Variants in CHRFAM7A observed in about 807,000 individuals in gnomAD.
CHRFAM7A encodes CHRNA7-FAM7A fusion protein.
In CHRFAM7A, 3 loss-of-function variants were observed where a neutral mutation model predicts 29.2. The ratio of observed to expected loss-of-function variants is 0.10; its 90% CI spans 0.05 to 0.27. The LOEUF (loss-of-function observed/expected upper bound fraction) is 0.27. Ranked by LOEUF, CHRFAM7A falls within the 10% of genes least tolerant of loss-of-function variation. The pLI is 1.00. For missense variants in CHRFAM7A, 22 were observed against 328.0 expected (o/e 0.07, Z 7.21); for synonymous variants, 7 against 135.4 (o/e 0.05, Z 6.58).
At chr15:30,368,093 CTG>C (rs779155933) in intron 8 of CHRFAM7A, among the ~76,000 whole-genome samples, 1 of 97,670 alleles carries the variant, frequency 1.0e-5, no homozygotes, top group Non-Finnish European at 2.0e-5. Flanking sequence ...TAGCTACTGG[CTG>C]TGAGTTTGGA....
chr15:30,390,018 A>C (rs1431433416), intron 1 of CHRFAM7A, among the ~76,000 whole-genome samples: 7 of 109,518 alleles, frequency 6.4e-5, no homozygotes, highest in African/African-American at 2.3e-4. Flanking sequence ...AAGTACAAAT[A>C]CATCCTGTGT....
At chr15:30,376,297 C>A (rs1414496852) in intron 5 of CHRFAM7A, among the ~76,000 whole-genome samples, 1 of 143,152 alleles carries the variant, frequency 7.0e-6, no homozygotes, top group African/African-American at 2.7e-5. Context: ...TAAACAGCTG[C>A]AGTGTGGGAG....
At chr15:30,389,434 T>A (rs2058994186) in intron 1 of CHRFAM7A, among the ~76,000 whole-genome samples, 1 of 24,536 alleles carries the variant, frequency 4.1e-5, no homozygotes, top group Non-Finnish European at 9.5e-5. Flanking sequence ...GAATTTTTTT[T>A]TTTTTTTTTT....
chr15:30,374,335 C>G (rs547840299), intron 5 of CHRFAM7A, among the ~76,000 whole-genome samples: 2 of 95,630 alleles, frequency 2.1e-5, no homozygotes, highest in East Asian at 6.7e-4. Context: ...GGACCCCACC[C>G]CACAACCGAG....
intron 5 of CHRFAM7A, among the ~76,000 whole-genome samples, chr15:30,375,983 G>A (rs117449055): frequency 1.5e-3 from 7 of 4,568 alleles, no homozygotes; most frequent in Admixed American, 6.5e-3. Flanking sequence ...GTGTTGAGTC[G>A]TGGGTGGTAT....
At chr15:30,377,832 T>C (rs1434953578) in intron 4 of CHRFAM7A, among the ~76,000 whole-genome samples, 1 of 145,116 alleles carries the variant, frequency 6.9e-6, no homozygotes, top group Non-Finnish European at 1.5e-5. Context: ...ATAGCTAAAA[T>C]GGAACATTTT....
chr15:30,377,578 T>A (rs1213311224), intron 4 of CHRFAM7A, among the ~76,000 whole-genome samples: 3 of 11,384 alleles, frequency 2.6e-4, no homozygotes, highest in Non-Finnish European at 1.8e-3. Context: ...CATATATATC[T>A]TTTTTTTTTT....
intron 7 of CHRFAM7A, among the ~76,000 whole-genome samples, chr15:30,371,578 G>A (rs1411797491): frequency 6.7e-6 from 1 of 150,002 alleles, no homozygotes; most frequent in Non-Finnish European, 1.5e-5. Flanking sequence ...AGCTAGCTAT[G>A]TGACCTTAGA....
intron 9 of CHRFAM7A, 141 bp from the exon 10 acceptor site, chr15:30,362,952 GGCAA>G: frequency 8.5e-6 from 12 of 1,418,096 alleles, no homozygotes; most frequent in Non-Finnish European, 1.2e-5. Context: ...GATTTTAGCA[GGCAA>G]GCAGTGCTTG....
At chr15:30,363,325 C>T (rs575551005) in intron 9 of CHRFAM7A, among the ~76,000 whole-genome samples, 1 of 148,310 alleles carries the variant, frequency 6.7e-6, no homozygotes, top group African/African-American at 2.5e-5. Context: ...GTTCAGGCTT[C>T]CAACATCAGA....
chr15:30,375,742 GGT>G (rs1196883725), intron 5 of CHRFAM7A, among the ~76,000 whole-genome samples: 35 of 150,560 alleles, frequency 2.3e-4, no homozygotes, highest in African/African-American at 8.3e-4. Context: ...AGTGGTGAGT[GGT>G]GTGTGGGTGG....
intron 5 of CHRFAM7A, among the ~76,000 whole-genome samples, chr15:30,373,941 G>A (rs2058893593): frequency 7.2e-6 from 1 of 138,616 alleles, no homozygotes; most frequent in African/African-American, 2.8e-5. Flanking sequence ...TCCAGCCTGG[G>A]GAACACACCT....
chr15:30,375,630 GGTGTGTGAGAGTGGTGTGTAAGTGGT>G (rs1160384450), intron 5 of CHRFAM7A, among the ~76,000 whole-genome samples: 1 of 149,278 alleles, frequency 6.7e-6, no homozygotes, highest in Non-Finnish European at 1.5e-5. Context: ...TGGTGTGTAT[GGTGTGTGAGAGTGGTGTGTAAGTGGT>G]GTGTGTGAGG....
intron 9 of CHRFAM7A, among the ~76,000 whole-genome samples, 169 bp downstream of exon 9, chr15:30,367,249 G>A (rs1457001740): frequency 6.6e-6 from 1 of 151,234 alleles, no homozygotes; most frequent in East Asian, 1.9e-4. Context: ...TTACACCACT[G>A]CACTCCAGCC....
chr15:30,388,689 AAAT>A (rs1433641224), intron 1 of CHRFAM7A, among the ~76,000 whole-genome samples: 109 of 85,314 alleles, frequency 1.3e-3, no homozygotes, highest in African/African-American at 4.0e-3. Context: ...CATTAAATGA[AAAT>A]AATCGTTATA....
rs567819333 is a variant in CHRFAM7A at position 30,367,127 on chromosome 15, C to CA, written c.720+290dup. On this transcript the variant is annotated intron_variant, in intron 9 of 9. Coordinates refer to ENST00000299847, the MANE Select transcript of CHRFAM7A (RefSeq NM_139320.2). ...TGAAACCCCATCTCTACTAAAAATA[C>CA]AAAAAAAAATTGGCCAGGTGTGGTG... Among the ~76,000 whole-genome samples, 763 of 149,774 alleles carry CA rather than the reference C, an allele frequency of 5.1e-3. 14 individuals are homozygous for CA. The highest frequency in any genetic ancestry group is 0.014 in the Middle Eastern group (4 of 294).
rs990822985 is a variant in CHRFAM7A, at chr15:30,367,279, C to A, written c.720+139G>T. ...CCAGCCTGGGTGACATAGTGAGACTCCGTCTCAAAAAAACAAACAAAAAAC... is the reference window on the plus strand; with the variant it reads ...CCAGCCTGGGTGACATAGTGAGACTACGTCTCAAAAAAACAAACAAAAAAC... On this transcript the variant is annotated intron_variant, in intron 9 of 9. Coordinates refer to ENST00000299847, the MANE Select transcript of CHRFAM7A (RefSeq NM_139320.2). 5.3e-6 allele frequency: 5 copies of A among 946,520 alleles called. No individual in the cohort carries two copies. In the African/African-American group the frequency reaches 8.5e-5, roughly 16 times the overall value. 58.6% of individuals were successfully genotyped at this position (946,520 alleles called of 1,614,324 possible). A position where few individuals can be genotyped will look rare whatever the true frequency, so the allele number is the denominator to read the frequency against.
intron 9 of CHRFAM7A, among the ~76,000 whole-genome samples, chr15:30,366,955 CAA>C (rs201866544): frequency 0.058 from 8,437 of 146,210 alleles, 66 homozygotes; most frequent in African/African-American, 0.099. Context: ...GCACACTACA[CAA>C]AGACACGTCA....
At chr15:30,373,938 T>C (rs1462953095) in intron 5 of CHRFAM7A, among the ~76,000 whole-genome samples, 1 of 138,478 alleles carries the variant, frequency 7.2e-6, no homozygotes, top group Non-Finnish European at 1.6e-5. Context: ...CACTCCAGCC[T>C]GGGGAACACA....
Sources: gnomAD v4.1 joint callset for allele counts (sites outside exome capture counted in the v4.1 genomes callset) on GRCh38, gnomAD v4.1.1 for gene constraint, MANE v1.5 for transcripts, NCBI Gene and HGNC (gene_info 2026-07-23, HGNC 2026-07-21) for gene names.